Variants in TNNI3K observed in about 807,000 individuals in gnomAD.
TNNI3K encodes TNNI3 interacting kinase, also known as serine/threonine-protein kinase TNNI3K.
TNNI3K carries 140 observed loss-of-function variants against 114.5 expected under a neutral mutation model. The observed-to-expected ratio is 1.22, with a 90% CI of 1.07 to 1.41. The LOEUF (loss-of-function observed/expected upper bound fraction) is 1.41, where lower values mean the gene tolerates loss of function less well. Among genes scored for constraint, TNNI3K ranks in the 40% most tolerant of loss-of-function variants. The pLI is 0.00. For synonymous variants in TNNI3K, 347 were observed against 347.5 expected (o/e 1.00, Z 0.02); for missense variants, 1,125 against 1,007.6 (o/e 1.12, Z -1.58).
At chr1:74,448,338 G>A (rs1189845204) in intron 20 of TNNI3K, among the ~76,000 whole-genome samples, 2 of 145,688 alleles carry the variant, frequency 1.4e-5, no homozygotes, top group Non-Finnish European at 3.0e-5. Context: ...TGCTGAAGTT[G>A]CTTATCAGCT....
intron 21 of TNNI3K, chr1:74,464,629 C>T (rs1181396047): frequency 1.3e-6 from 2 of 1,570,688 alleles, no homozygotes; most frequent in Admixed American, 1.9e-5. Flanking sequence ...CATTCTTTTC[C>T]TAAAGGCAAA....
Position 74,544,170 on chromosome 1 carries a change from T to A in TNNI3K, c.*188T>A. 1 of 563,600 alleles carries A rather than the reference T, an allele frequency of 1.8e-6. No homozygotes were observed. Among genetic ancestry groups the A allele is most frequent in the Non-Finnish European group, 3.0e-6 (1 of 335,202 alleles). 34.9% of individuals were successfully genotyped at this position (563,600 alleles called of 1,614,324 possible). On this transcript the variant is annotated 3_prime_UTR_variant, in exon 25 of 25. Coordinates refer to ENST00000326637, the MANE Select transcript of TNNI3K (RefSeq NM_015978.3). Reference sequence around the variant, plus strand: ...TTGGATTTGTGCCTAAGGAATAATATGCAAAAGAACCAAGACAGAATGTAT... The same window carrying A: ...TTGGATTTGTGCCTAAGGAATAATAAGCAAAAGAACCAAGACAGAATGTAT...
At position 74,532,639 on chromosome 1, in the gene TNNI3K, C is replaced by A. The variant is rs567366410; in HGVS notation, c.2352-7595C>A. Among the ~76,000 whole-genome samples the A allele has an allele frequency of 2.0e-4, 30 of 151,336 alleles. 2 individuals are homozygous for A. In the South Asian group the frequency reaches 5.3e-3, roughly 27 times the overall value. On this transcript the variant is annotated intron_variant, in intron 23 of 24. Coordinates refer to ENST00000326637, the MANE Select transcript of TNNI3K (RefSeq NM_015978.3). ...ATCCCTCCCCCCTCGCCCCACCCCA[C>A]AGCAGTCCCCAGAGTGTGATGTTCC...
At chr1:74,351,821 G>A (rs570291753) in intron 9 of TNNI3K, among the ~76,000 whole-genome samples, 1 of 152,154 alleles carries the variant, frequency 6.6e-6, no homozygotes, top group Non-Finnish European at 1.5e-5. Flanking sequence ...GCTCCATCAG[G>A]TCCTTTAAGG....
At chr1:74,480,991 T>G (rs186871903) in intron 21 of TNNI3K, 132 of 692,320 alleles carry the variant, frequency 1.9e-4, no homozygotes, top group African/African-American at 1.8e-3. Context: ...AAGCACAGAC[T>G]AGATGCAGGG....
chr1:74,324,004 T>G (rs569701901), intron 5 of TNNI3K, among the ~76,000 whole-genome samples: 1 of 152,292 alleles, frequency 6.6e-6, no homozygotes, highest in South Asian at 2.1e-4. Context: ...AAGGAAGAAG[T>G]AGACAATAGT....
intron 20 of TNNI3K, among the ~76,000 whole-genome samples, chr1:74,462,830 G>A (rs146395896): frequency 1.3e-5 from 2 of 152,272 alleles, no homozygotes; most frequent in Admixed American, 6.5e-5. Context: ...ATGCAGGCAG[G>A]CAACACGACA....
chr1:74,335,043 A>G (rs1426127430), intron 6 of TNNI3K, among the ~76,000 whole-genome samples: 1 of 152,236 alleles, frequency 6.6e-6, no homozygotes, highest in Non-Finnish European at 1.5e-5. Flanking sequence ...ACTCTGAAAC[A>G]GAAATGGTAA....
rs1463234460 is a variant in TNNI3K, at chr1:74,540,356, T to C, written c.2431+43T>C. The C allele has an allele frequency of 3.2e-6, 5 of 1,579,642 alleles. No individual in the cohort carries two copies. The South Asian group carries it at 4.6e-5, about 15-fold the overall frequency. ...TTAGGTTTGTTAAGAAAACTACCCCTAGGAAGGTGATGTCTATTTGACAAA... is the reference window on the plus strand; with the variant it reads ...TTAGGTTTGTTAAGAAAACTACCCCCAGGAAGGTGATGTCTATTTGACAAA... On this transcript the variant is annotated intron_variant, in intron 24 of 24. Coordinates refer to ENST00000326637, the MANE Select transcript of TNNI3K (RefSeq NM_015978.3).
At chr1:74,533,327 G>A (rs1646616421) in intron 23 of TNNI3K, among the ~76,000 whole-genome samples, 2 of 152,224 alleles carry the variant, frequency 1.3e-5, no homozygotes, top group African/African-American at 2.4e-5. Flanking sequence ...ACCATCACTG[G>A]CCATCAGAGA....
At chr1:74,243,759 A>G (rs2100834373) in intron 2 of TNNI3K, among the ~76,000 whole-genome samples, 1 of 152,176 alleles carries the variant, frequency 6.6e-6, no homozygotes, top group East Asian at 1.9e-4. Context: ...ATTTTTAATG[A>G]TTAAGAACAG....
chr1:74,514,874 G>A (rs1646326904), intron 23 of TNNI3K, among the ~76,000 whole-genome samples: 1 of 152,182 alleles, frequency 6.6e-6, no homozygotes, highest in Non-Finnish European at 1.5e-5. Flanking sequence ...TGTTGCAGAT[G>A]TGAGAAGTTC....
At chr1:74,527,046 C>G (rs959117396) in intron 23 of TNNI3K, among the ~76,000 whole-genome samples, 1 of 152,200 alleles carries the variant, frequency 6.6e-6, no homozygotes, top group South Asian at 2.1e-4. Context: ...CCTGCCTGCT[C>G]TAAAAGCATA....
rs531499315 is a variant in TNNI3K at position 74,462,274 on chromosome 1, G to A, written c.2012-1167G>A. 2.0e-5 allele frequency among the ~76,000 whole-genome samples: 3 copies of A among 152,262 alleles called. No homozygotes were observed. In the East Asian group the frequency reaches 5.8e-4, roughly 29 times the overall value. On this transcript the variant is annotated intron_variant, in intron 20 of 24. Transcript: ENST00000326637. Reference sequence around the variant, plus strand: ...AGTGTATGGATAAACAGAATTTGATGGGAGTAAATTTTGGTAGAGTAGAGG... The same window carrying A: ...AGTGTATGGATAAACAGAATTTGATAGGAGTAAATTTTGGTAGAGTAGAGG...
At chr1:74,470,494 A>G (rs1334487596) in intron 21 of TNNI3K, 1 of 400,696 alleles carries the variant, frequency 2.5e-6, no homozygotes, top group Non-Finnish European at 4.4e-6. Flanking sequence ...TTGACTACTA[A>G]CAGGAGAAGT....
At chr1:74,504,206 T>C (rs150204221) in intron 23 of TNNI3K, among the ~76,000 whole-genome samples, 3 of 152,352 alleles carry the variant, frequency 2.0e-5, no homozygotes, top group East Asian at 1.9e-4. Flanking sequence ...ATCACCAGAA[T>C]TGGACATAGT....
At chr1:74,353,395 T>C (rs749090164) in intron 10 of TNNI3K, 35 bp downstream of exon 10, 1 of 1,606,376 alleles carries the variant, frequency 6.2e-7, no homozygotes, top group South Asian at 1.1e-5. Context: ...TAGTTCTATA[T>C]GCTTATCAAT....
At chr1:74,491,628 T>A (rs1669082441) in intron 22 of TNNI3K, among the ~76,000 whole-genome samples, 1 of 152,212 alleles carries the variant, frequency 6.6e-6, no homozygotes, top group South Asian at 2.1e-4. Flanking sequence ...TGCCACACAT[T>A]AAAGCATTTT....
intron 23 of TNNI3K, among the ~76,000 whole-genome samples, chr1:74,498,077 C>T (rs1437359267): frequency 2.0e-5 from 3 of 152,094 alleles, no homozygotes; most frequent in African/African-American, 7.2e-5. Flanking sequence ...TGAGGTTTCT[C>T]CAATGTTTTG....
Sources: allele counts gnomAD v4.1 joint callset (sites outside exome capture counted in the v4.1 genomes callset), GRCh38; gene constraint gnomAD v4.1.1; transcripts MANE v1.5; gene names NCBI Gene and HGNC (gene_info 2026-07-23, HGNC 2026-07-21).